CSMD1: variants seen among roughly 807,000 people sequenced by gnomAD.
The protein encoded by CSMD1 is CUB and sushi domain-containing protein 1.
In CSMD1, 213 loss-of-function variants were observed where a neutral mutation model predicts 417.5. That is an observed-to-expected ratio of 0.51 (90% CI 0.46 to 0.57). The LOEUF is 0.57. Ranked by LOEUF, CSMD1 falls within the 20% of genes least tolerant of loss-of-function variation. CSMD1 has a pLI of 0.00. For synonymous variants in CSMD1, 2,862 were observed against 1,736.8 expected (o/e 1.65, Z -16.11); for missense variants, 6,923 against 4,529.7 (o/e 1.53, Z -15.17).
chr8:3,252,674 G>T (rs944672076), intron 26 of CSMD1, among the ~76,000 whole-genome samples: 1 of 152,162 alleles, frequency 6.6e-6, no homozygotes, highest in African/African-American at 2.4e-5. Flanking sequence ...GAATTTGGCT[G>T]TGAATCCATC....
chr8:4,227,067 G>A (rs1801404105), intron 3 of CSMD1, among the ~76,000 whole-genome samples: 1 of 152,142 alleles, frequency 6.6e-6, no homozygotes, highest in Non-Finnish European at 1.5e-5. Context: ...GACTCTGAAG[G>A]TGAAATAATA....
intron 1 of CSMD1, among the ~76,000 whole-genome samples, chr8:4,828,903 C>A: frequency 6.6e-6 from 1 of 152,094 alleles, no homozygotes; most frequent in Non-Finnish European, 1.5e-5. Flanking sequence ...CGTCCCAGTA[C>A]TTAATGTGTT....
intron 6 of CSMD1, among the ~76,000 whole-genome samples, chr8:3,743,922 C>T (rs1222406223): frequency 6.6e-6 from 1 of 152,104 alleles, no homozygotes; most frequent in Non-Finnish European, 1.5e-5. Flanking sequence ...TCTTTGTCAC[C>T]TTACATAAAA....
chr8:3,894,766 T>C (rs1475345387), intron 5 of CSMD1, among the ~76,000 whole-genome samples: 1 of 152,224 alleles, frequency 6.6e-6, no homozygotes, highest in East Asian at 1.9e-4. Flanking sequence ...TGCTTCCACA[T>C]GTCAATTAGA....
At chr8:3,681,402 A>C (rs1799654068) in intron 7 of CSMD1, among the ~76,000 whole-genome samples, 1 of 152,166 alleles carries the variant, frequency 6.6e-6, no homozygotes, top group Non-Finnish European at 1.5e-5. Context: ...ATAACAGACA[A>C]ACAGAGAGCC....
chr8:4,864,102 A>G (rs1284850529), intron 1 of CSMD1, among the ~76,000 whole-genome samples: 2 of 151,938 alleles, frequency 1.3e-5, no homozygotes, highest in Non-Finnish European at 2.9e-5. Flanking sequence ...CAGTCTATAA[A>G]ATTATAGTTG....
chr8:4,927,705 T>G (rs1284740174), intron 1 of CSMD1, among the ~76,000 whole-genome samples: 2 of 152,150 alleles, frequency 1.3e-5, no homozygotes, highest in South Asian at 2.1e-4. Flanking sequence ...GGAGTAGATA[T>G]GTCAGATGAT....
intron 1 of CSMD1, among the ~76,000 whole-genome samples, chr8:4,888,940 G>T (rs1332424687): frequency 6.6e-6 from 1 of 151,870 alleles, no homozygotes; most frequent in Non-Finnish European, 1.5e-5. Context: ...TGAGGAGAAG[G>T]GAAAATCTTT....
At chr8:4,656,893 G>A (rs1320361836) in intron 1 of CSMD1, among the ~76,000 whole-genome samples, 4 of 152,012 alleles carry the variant, frequency 2.6e-5, no homozygotes, top group African/African-American at 7.2e-5. Flanking sequence ...CATCTTATCT[G>A]TCCTAATCCA....
At chr8:3,341,950 T>A (rs1807684325) in intron 23 of CSMD1, among the ~76,000 whole-genome samples, 1 of 152,158 alleles carries the variant, frequency 6.6e-6, no homozygotes, top group Non-Finnish European at 1.5e-5. Flanking sequence ...ATTCATTCCA[T>A]CTGCAAGCAA....
At chr8:4,811,318 G>A (rs1393492683) in intron 1 of CSMD1, among the ~76,000 whole-genome samples, 3 of 152,208 alleles carry the variant, frequency 2.0e-5, no homozygotes, top group Admixed American at 1.3e-4. Context: ...ATATTGACTC[G>A]GAGAGAGAAG....
intron 26 of CSMD1, among the ~76,000 whole-genome samples, chr8:3,249,732 A>C (rs1800133426): frequency 7.1e-6 from 1 of 141,166 alleles, no homozygotes. Flanking sequence ...AGCTCCAAGA[A>C]GCAAGAGAAT....
chr8:4,269,222 A>C (rs1472959816), intron 3 of CSMD1, among the ~76,000 whole-genome samples: 1 of 151,990 alleles, frequency 6.6e-6, no homozygotes, highest in East Asian at 1.9e-4. Flanking sequence ...ACACCCGGCT[A>C]ATTTTTGTAT....
intron 1 of CSMD1, among the ~76,000 whole-genome samples, chr8:4,654,099 C>A (rs1673482899): frequency 6.6e-6 from 1 of 152,126 alleles, no homozygotes; most frequent in Non-Finnish European, 1.5e-5. Context: ...TTTCCCGGTG[C>A]AAACCAGGGC....
At position 4,719,746 on chromosome 8, in the gene CSMD1, T is replaced by C. The variant is rs888166423; in HGVS notation, c.86-82188A>G. ...TTTAAATTACCTAAAGAATTCCTAATATGCACTTACGATTTTCAAAGTACA... is the reference window on the plus strand; with the variant it reads ...TTTAAATTACCTAAAGAATTCCTAACATGCACTTACGATTTTCAAAGTACA... On this transcript the variant is annotated intron_variant, in intron 1 of 69. Coordinates refer to ENST00000635120, the MANE Select transcript of CSMD1 (RefSeq NM_033225.6). 3.3e-5 allele frequency among the ~76,000 whole-genome samples: 5 copies of C among 152,224 alleles called. No homozygotes were observed. The East Asian group carries it at 5.8e-4, about 18-fold the overall frequency.
chr8:4,159,903 C>A (rs969941549), intron 3 of CSMD1, among the ~76,000 whole-genome samples: 1 of 151,506 alleles, frequency 6.6e-6, no homozygotes, highest in African/African-American at 2.4e-5. Context: ...GATGCAAAGG[C>A]TTAAGAATGA....
intron 25 of CSMD1, among the ~76,000 whole-genome samples, chr8:3,292,234 G>T (rs895272118): frequency 6.6e-6 from 1 of 152,190 alleles, no homozygotes; most frequent in Non-Finnish European, 1.5e-5. Flanking sequence ...GCTGAGGAGT[G>T]CTTTACTTCC....
intron 5 of CSMD1, among the ~76,000 whole-genome samples, chr8:3,993,488 G>C (rs1814918333): frequency 6.6e-6 from 1 of 152,156 alleles, no homozygotes; most frequent in Non-Finnish European, 1.5e-5. Context: ...TTTCTCTGAA[G>C]TTTTGTTTTA....
rs377645548 is a variant in CSMD1 at position 3,266,649 on chromosome 8, T to G, written c.4153+17495A>C. 7.2e-5 allele frequency among the ~76,000 whole-genome samples: 9 copies of G among 125,138 alleles called. No individual in the cohort carries two copies. The East Asian group carries it at 2.0e-3, about 28-fold the overall frequency. 82.1% of individuals were successfully genotyped at this position (125,138 alleles called of 152,430 possible). ...AAAAAGCCAGGCATGGTGGCAAGCA[T>G]CTGTAATCCCAGCTACTCAGGAGGC... On this transcript the variant is annotated intron_variant, in intron 26 of 69. Coordinates refer to ENST00000635120, the MANE Select transcript of CSMD1 (RefSeq NM_033225.6).
Sources: allele counts gnomAD v4.1 joint callset (sites outside exome capture counted in the v4.1 genomes callset), GRCh38; gene constraint gnomAD v4.1.1; transcripts MANE v1.5; gene names NCBI Gene and HGNC (gene_info 2026-07-23, HGNC 2026-07-21).